PHTF1: variants seen among roughly 807,000 people sequenced by gnomAD.
PHTF1 encodes the protein putative homeodomain transcription factor 1, also known as protein PHTF1.
Under a neutral mutation model 102.4 loss-of-function variants are expected in PHTF1, and 88 were observed. The observed-to-expected ratio is 0.86, with a 90% CI of 0.72 to 1.03. PHTF1 has a LOEUF of 1.03. Ranked by LOEUF, PHTF1 falls within the 50% of genes least tolerant of loss-of-function variation. PHTF1 has a pLI of 0.00. For synonymous variants in PHTF1, 289 were observed against 305.2 expected (o/e 0.95, Z 0.55); for missense variants, 814 against 909.5 (o/e 0.89, Z 1.35).
chr1:113,734,127 G>A (rs1183883689), intron 5 of PHTF1, among the ~76,000 whole-genome samples: 1 of 152,158 alleles, frequency 6.6e-6, no homozygotes, highest in Non-Finnish European at 1.5e-5. Context: ...AGGCATGGTG[G>A]CAGGTGCCTG....
chr1:113,732,506 A>G (rs1041453037), intron 5 of PHTF1, among the ~76,000 whole-genome samples: 3 of 152,214 alleles, frequency 2.0e-5, no homozygotes, highest in Non-Finnish European at 4.4e-5. Context: ...AAAAGAAAAA[A>G]AACAATTTTC....
At position 113,710,160 on chromosome 1, in the gene PHTF1, C is replaced by T. The variant is rs1044083680; in HGVS notation, c.1269+94G>A. Reference sequence around the variant, plus strand: ...GGGGATAATAATAGTATCTACCCTACAGGATGATTGTAAAGTTAAATGAGA... The same window carrying T: ...GGGGATAATAATAGTATCTACCCTATAGGATGATTGTAAAGTTAAATGAGA... On this transcript the variant is annotated intron_variant, in intron 11 of 18. Transcript: ENST00000369604. 8 of 873,256 alleles carry T rather than the reference C, an allele frequency of 9.2e-6. No individual in the cohort carries two copies. In the Admixed American group the frequency reaches 1.0e-4, roughly 11 times the overall value. The allele number at this position is 873,256 out of a possible 1,614,324, so 54.1% of individuals were successfully genotyped here.
At chr1:113,699,856 AT>A in intron 16 of PHTF1, 57 bp from the exon 17 acceptor site, 1 of 745,026 alleles carries the variant, frequency 1.3e-6, no homozygotes, top group South Asian at 1.7e-5. Context: ...TATATACTGC[AT>A]AAAATCTGGC....
chr1:113,742,753 A>C (rs1656603375), intron 3 of PHTF1, among the ~76,000 whole-genome samples: 1 of 152,194 alleles, frequency 6.6e-6, no homozygotes, highest in South Asian at 2.1e-4. Flanking sequence ...AGCCTAGGAC[A>C]CTGCTGTAGT....
At chr1:113,701,663 AC>A (rs1300169223) in intron 15 of PHTF1, among the ~76,000 whole-genome samples, 1 of 151,674 alleles carries the variant, frequency 6.6e-6, no homozygotes, top group African/African-American at 2.4e-5. Context: ...GCCTTACAAG[AC>A]CTTTGTTTTC....
intron 2 of PHTF1, 59 bp downstream of exon 2, chr1:113,758,600 G>C: frequency 2.1e-6 from 2 of 968,200 alleles, no homozygotes; most frequent in Admixed American, 2.3e-5. Context: ...TATATTATTT[G>C]TGGGAGCTTT....
chr1:113,714,809 G>A (rs1471064179), intron 7 of PHTF1: 3 of 152,380 alleles, frequency 2.0e-5, no homozygotes, highest in African/African-American at 7.2e-5. Flanking sequence ...GTCACCATGT[G>A]GACCTTGGGC....
chr1:113,747,759 T>G (rs1442260349), intron 3 of PHTF1, among the ~76,000 whole-genome samples: 2 of 152,218 alleles, frequency 1.3e-5, no homozygotes, highest in Non-Finnish European at 2.9e-5. Context: ...TTCTCTCATG[T>G]GCCATTGTCC....
chr1:113,749,967 T>C (rs565808264), intron 3 of PHTF1, among the ~76,000 whole-genome samples: 1 of 152,246 alleles, frequency 6.6e-6, no homozygotes, highest in Non-Finnish European at 1.5e-5. Flanking sequence ...GTGCATGTAT[T>C]TGAACTACCA....
intron 3 of PHTF1, among the ~76,000 whole-genome samples, chr1:113,752,748 A>G (rs1199681096): frequency 5.9e-5 from 9 of 152,138 alleles, no homozygotes. Flanking sequence ...TCATGAGTAA[A>G]GGCAGTTTTC....
intron 7 of PHTF1, among the ~76,000 whole-genome samples, chr1:113,722,227 G>A (rs933537760): frequency 1.2e-4 from 18 of 151,864 alleles, no homozygotes; most frequent in South Asian, 6.3e-4. Context: ...CAAGACGGGC[G>A]GATCACGAGG....
chr1:113,730,023 T>A (rs1654410331), intron 5 of PHTF1, among the ~76,000 whole-genome samples: 1 of 152,184 alleles, frequency 6.6e-6, no homozygotes, highest in Non-Finnish European at 1.5e-5. Context: ...GCAACTATAA[T>A]TGTAAGTTTA....
At position 113,758,647 on chromosome 1, in the gene PHTF1, T is replaced by C. The variant is rs372321779; in HGVS notation, c.45+12A>G. The stretch of plus-strand genomic sequence containing the variant: ...ATGCTTTACAAATAAAAAAAATATA[T>C]ATATGTATTACCTTCTTTTGGTACC... On this transcript the variant is annotated intron_variant, in intron 2 of 18. Coordinates refer to ENST00000369604, the MANE Select transcript of PHTF1 (RefSeq NM_001323043.2). The C allele has an allele frequency of 5.3e-5, 78 of 1,484,338 alleles. No individual in the cohort carries two copies. The African/African-American group carries it at 9.3e-4, about 18-fold the overall frequency. 91.9% of individuals were successfully genotyped at this position (1,484,338 alleles called of 1,614,324 possible). A position where few individuals can be genotyped will look rare whatever the true frequency, so the allele number is the denominator to read the frequency against.
At chr1:113,711,678 T>G (rs551344733) in intron 10 of PHTF1, 68 bp downstream of exon 10, 3 of 1,216,922 alleles carry the variant, frequency 2.5e-6, no homozygotes, top group South Asian at 2.5e-5. Context: ...GGGCAACCAA[T>G]AAAAAAAGGA....
chr1:113,750,463 T>G (rs1657885143), intron 3 of PHTF1, among the ~76,000 whole-genome samples: 1 of 152,160 alleles, frequency 6.6e-6, no homozygotes, highest in African/African-American at 2.4e-5. Context: ...TAATATTAAT[T>G]TTTAAAAATA....
At chr1:113,712,663 A>G (rs1198788246) in intron 8 of PHTF1, among the ~76,000 whole-genome samples, 1 of 152,224 alleles carries the variant, frequency 6.6e-6, no homozygotes, top group Non-Finnish European at 1.5e-5. Flanking sequence ...TAAACCTACA[A>G]AATAATTTCC....
intron 3 of PHTF1, 77 bp from the exon 4 acceptor site, chr1:113,738,876 A>G (rs1424629812): frequency 2.6e-5 from 27 of 1,054,154 alleles, no homozygotes; most frequent in Non-Finnish European, 2.7e-5. Flanking sequence ...TTTGAGACAC[A>G]GTTTCGCTCT....
At chr1:113,756,026 C>T (rs1658816197) in intron 3 of PHTF1, among the ~76,000 whole-genome samples, 1 of 149,408 alleles carries the variant, frequency 6.7e-6, no homozygotes, top group South Asian at 2.1e-4. Flanking sequence ...GAGATCGCTC[C>T]ACTGCACTCC....
chr1:113,720,797 C>T (rs1043718167), intron 7 of PHTF1, among the ~76,000 whole-genome samples: 3 of 152,252 alleles, frequency 2.0e-5, no homozygotes, highest in African/African-American at 7.2e-5. Flanking sequence ...CCCTTCCACA[C>T]TGCCCTAGCA....
Sources: allele counts gnomAD v4.1 joint callset (sites outside exome capture counted in the v4.1 genomes callset), GRCh38; gene constraint gnomAD v4.1.1; transcripts MANE v1.5; gene names NCBI Gene and HGNC (gene_info 2026-07-23, HGNC 2026-07-21).